Variants in TTC12 observed in about 807,000 individuals in gnomAD.
TTC12 encodes tetratricopeptide repeat domain 12.
In TTC12, 70 loss-of-function variants were observed where a neutral mutation model predicts 90.1. The observed-to-expected ratio is 0.78, with a 90% CI of 0.64 to 0.95. The LOEUF is 0.95. TTC12 is among the 40% of genes least tolerant of loss of function. TTC12 has a pLI of 0.00. For missense variants in TTC12, 819 were observed against 846.1 expected, an observed-to-expected ratio of 0.97 and a Z score of 0.40; for synonymous variants, 296 against 311.5, an observed-to-expected ratio of 0.95 and a Z score of 0.53.
chr11:113,341,915 C>G lies in TTC12; in HGVS notation c.975C>G (p.Cys325Trp), dbSNP rs782719808. Residue 325 changes from cysteine (C) to tryptophan (W), a missense_variant, in exon 12 of 22, where the codon TGC becomes TGG. By Grantham distance (215) the Cys-to-Trp change is radical. Transcript: ENST00000529221. ...VSVLKLWQAV[C>W]SRNEENQRVL... ...TTCTCAAGCTCTGGCAAGCAGTGTG[C>G]AGCAGGAACGGTAAGCCTGGGTAAT... 18 of 1,613,670 alleles carry G rather than the reference C, an allele frequency of 1.1e-5. No homozygotes were observed. The highest frequency in any genetic ancestry group is 5.0e-5 in the Admixed American group (3 of 59,994).
chr11:113,334,685 C>G (rs1213755447), intron 7 of TTC12, among the ~76,000 whole-genome samples: 2 of 151,560 alleles, frequency 1.3e-5, no homozygotes, highest in Non-Finnish European at 2.9e-5. Context: ...GTGTTAAGAG[C>G]TCTTCTAAAC....
intron 16 of TTC12, 89 bp downstream of exon 16, chr11:113,352,296 G>C: frequency 6.4e-7 from 1 of 1,563,444 alleles, no homozygotes; most frequent in Non-Finnish European, 8.7e-7. Context: ...CAAAAATTCT[G>C]TTTCTGTGGG....
intron 20 of TTC12, chr11:113,364,231 A>T: frequency 3.3e-6 from 1 of 304,566 alleles, no homozygotes; most frequent in Non-Finnish European, 6.1e-6. Flanking sequence ...ACAGAAGGAG[A>T]GGGGGAAACA....
chr11:113,323,219 C>T, intron 2 of TTC12, 69 bp from the exon 3 acceptor site: 5 of 1,241,262 alleles, frequency 4.0e-6, no homozygotes, highest in South Asian at 5.1e-5. Flanking sequence ...TTTTATGCAC[C>T]ATCCTTTCTA....
chr11:113,329,519 G>C, intron 6 of TTC12: 1 of 451,616 alleles, frequency 2.2e-6, no homozygotes. Flanking sequence ...GTGAGATTGG[G>C]GTATTTATTC....
At chr11:113,368,493 G>A, downstream of TTC12, 1 of 1,550,448 alleles carries the variant, frequency 6.4e-7, no homozygotes. Context: ...TCAACAAGCA[G>A]AGGAGCTGGG....
chr11:113,361,328 T>G (rs569236923), intron 18 of TTC12, among the ~76,000 whole-genome samples: 2 of 152,318 alleles, frequency 1.3e-5, no homozygotes, highest in South Asian at 4.1e-4. Flanking sequence ...ACGTTGACAG[T>G]GAACAGGCAA....
chr11:113,327,196 G>A, intron 6 of TTC12, among the ~76,000 whole-genome samples: 1 of 152,162 alleles, frequency 6.6e-6, no homozygotes, highest in East Asian at 1.9e-4. Context: ...GCAGCACTTT[G>A]ATTAGTTCTG....
In TTC12 at chr11:113,352,145, C is replaced by T. The variant is rs142159484; in HGVS notation, c.1384C>T (p.Pro462Ser). The T allele has an allele frequency of 5.6e-6, 9 of 1,614,250 alleles. No homozygotes were observed. The African/African-American group carries it at 1.1e-4, about 19-fold the overall frequency. Reference protein sequence around the residue: ...IAIMGNLSAEPTTRRHMAACE... With the variant: ...IAIMGNLSAESTTRRHMAACE... ...CATCATGGGAAACCTCAGTGCTGAG[C>T]CCACTACCCGAAGACACATGGCGGC... Residue 462 changes from proline (P) to serine (S), a missense_variant, in exon 16 of 22, where the codon CCC (proline) becomes TCC (serine). Coordinates refer to ENST00000529221, the MANE Select transcript of TTC12 (RefSeq NM_017868.4).
rs551020870 is a variant in TTC12, at chr11:113,324,486, G to T, written c.245-119G>T. Reference sequence around the variant, plus strand: ...GCCTCAGAATGGTGTGTGTGCGTGTGTGTGCCTGTGTGCATATGCATACGT... The same window carrying T: ...GCCTCAGAATGGTGTGTGTGCGTGTTTGTGCCTGTGTGCATATGCATACGT... On this transcript the variant is annotated intron_variant, in intron 4 of 21. Transcript: ENST00000529221. 6.7e-5 allele frequency: 46 copies of T among 689,330 alleles called. No individual in the cohort carries two copies. The South Asian group carries it at 7.4e-4, about 11-fold the overall frequency. The allele number at this position is 689,330 out of a possible 1,614,324, so 42.7% of individuals were successfully genotyped here.
chr11:113,350,226 C>A, intron 14 of TTC12, 61 bp downstream of exon 14: 5 of 1,308,188 alleles, frequency 3.8e-6, no homozygotes, highest in Non-Finnish European at 4.4e-6. Flanking sequence ...ACTGTCTGAT[C>A]TTTAAAAATG....
Position 113,324,625 on chromosome 11 carries a change from G to A in TTC12, c.265G>A (p.Glu89Lys), listed in dbSNP as rs782193998. 2.5e-6 allele frequency: 4 copies of A among 1,613,962 alleles called. No homozygotes were observed. Among genetic ancestry groups the A allele is most frequent in the Non-Finnish European group, 3.4e-6 (4 of 1,179,926 alleles). ...GTCAGAGGCCTTCTTGGCATCTGTG[G>A]AGAAGGATGCAAAGGAACGAGCCAA... The part of the protein sequence containing the change: ...INSEAFLASV[E>K]KDAKERAKRR... Residue 89 changes from glutamate to lysine, a missense_variant, in exon 5 of 22, where the codon GAG becomes AAG. Coordinates refer to ENST00000529221, the MANE Select transcript of TTC12 (RefSeq NM_017868.4).
At chr11:113,334,499 T>C (rs1948238135) in intron 7 of TTC12, among the ~76,000 whole-genome samples, 1 of 152,092 alleles carries the variant, frequency 6.6e-6, no homozygotes, top group Non-Finnish European at 1.5e-5. Context: ...TAGAGTAAGT[T>C]CTCTTCTCTT....
chr11:113,342,311 A>G (rs1378921206), intron 12 of TTC12, among the ~76,000 whole-genome samples: 2 of 152,152 alleles, frequency 1.3e-5, no homozygotes, highest in African/African-American at 2.4e-5. Flanking sequence ...ATCCCTGCCA[A>G]TATCTTCAGA....
chr11:113,319,031 T>A (rs1221560578), intron 2 of TTC12, among the ~76,000 whole-genome samples: 1 of 151,706 alleles, frequency 6.6e-6, no homozygotes, highest in Non-Finnish European at 1.5e-5. Context: ...TTCCAAAGAG[T>A]ACAGTATGGA....
At chr11:113,330,740 A>T (rs2137955834) in intron 7 of TTC12, among the ~76,000 whole-genome samples, 1 of 152,360 alleles carries the variant, frequency 6.6e-6, no homozygotes, top group African/African-American at 2.4e-5. Flanking sequence ...GCCCCTCGAG[A>T]GGGACTAGAA....
At chr11:113,360,804 A>C (rs2138070943) in intron 18 of TTC12, among the ~76,000 whole-genome samples, 1 of 152,326 alleles carries the variant, frequency 6.6e-6, no homozygotes, top group East Asian at 1.9e-4. Context: ...TAGATCCAAC[A>C]TACCCTGTTT....
chr11:113,315,984 G>A (rs1439882482), intron 1 of TTC12: 9 of 297,470 alleles, frequency 3.0e-5, no homozygotes, highest in Admixed American at 1.5e-4. Flanking sequence ...GTTGGCTTTG[G>A]AAGAACTATT....
In TTC12 at chr11:113,316,287, G is replaced by T; in HGVS notation, c.30G>T (p.Gln10His). Reference sequence around the variant, plus strand: ...ATGCTGATAAAGAGAAAGATTTGCAGAAATTTCTTAAAAATGTGGATGAAA... The same window carrying T: ...ATGCTGATAAAGAGAAAGATTTGCATAAATTTCTTAAAAATGTGGATGAAA... The part of the protein sequence containing the change: MDADKEKDL[Q>H]KFLKNVDEIS... Residue 10 changes from glutamine (Q) to histidine (H), a missense_variant, in exon 2 of 22, where the codon CAG (glutamine) becomes CAT (histidine). Gln to His is a conservative substitution (Grantham distance 24, BLOSUM62 0). Transcript: ENST00000529221. The T allele has an allele frequency of 6.8e-7, 1 of 1,472,054 alleles. No homozygotes were observed. Among genetic ancestry groups the T allele is most frequent in the Non-Finnish European group, 9.0e-7 (1 of 1,108,930 alleles). The allele number at this position is 1,472,054 out of a possible 1,614,324, so 91.2% of individuals were successfully genotyped here.
Sources: allele counts gnomAD v4.1 joint callset (sites outside exome capture counted in the v4.1 genomes callset), GRCh38; gene constraint gnomAD v4.1.1; transcripts MANE v1.5; gene names NCBI Gene and HGNC (gene_info 2026-07-23, HGNC 2026-07-21).